Variants in NXPE4 observed in about 807,000 individuals in gnomAD.
The protein encoded by NXPE4 is neurexophilin and PC-esterase domain family member 4.
NXPE4 carries 42 observed loss-of-function variants against 33.3 expected under a neutral mutation model. The ratio of observed to expected loss-of-function variants is 1.26; its 90% CI spans 0.98 to 1.63. The LOEUF is 1.63. Ranked by LOEUF, NXPE4 falls within the 40% of genes most tolerant of loss-of-function variation. NXPE4 has a pLI of 0.00. For synonymous variants in NXPE4, 253 were observed against 234.9 expected (o/e 1.08, Z -0.71); for missense variants, 709 against 647.6 (o/e 1.09, Z -1.03).
chr11:114,583,893 T>C (rs1172646667), intron 2 of NXPE4: 2 of 394,148 alleles, frequency 5.1e-6, no homozygotes, highest in Non-Finnish European at 9.9e-6. Flanking sequence ...TTATGGGTTA[T>C]TGGGGCTGGC....
chr11:114,577,527 G>A (rs796565778), intron 5 of NXPE4, among the ~76,000 whole-genome samples: 19 of 151,914 alleles, frequency 1.3e-4, no homozygotes, highest in African/African-American at 4.1e-4. Flanking sequence ...AAACACCACC[G>A]GTTCCCCAAA....
the NXPE4 span, among the ~76,000 whole-genome samples, chr11:114,654,028 T>G: frequency 6.6e-6 from 1 of 152,072 alleles, no homozygotes; most frequent in Non-Finnish European, 1.5e-5. Flanking sequence ...AGCATGAACA[T>G]AGGAAAATCA....
chr11:114,600,397 C>G (rs1949623852), upstream of NXPE4, among the ~76,000 whole-genome samples: 1 of 152,122 alleles, frequency 6.6e-6, no homozygotes, highest in East Asian at 1.9e-4. Flanking sequence ...CTCATTCCTT[C>G]ATTTACCAAA....
the NXPE4 span, among the ~76,000 whole-genome samples, chr11:114,655,111 C>A: frequency 3.3e-5 from 5 of 151,346 alleles, no homozygotes. Context: ...TTGTTTGCCA[C>A]GTAAATATCT....
the NXPE4 span, among the ~76,000 whole-genome samples, chr11:114,632,960 AATTATAT>A: frequency 4.1e-4 from 42 of 102,224 alleles, no homozygotes; most frequent in South Asian, 8.2e-4. Flanking sequence ...TATTTTATAT[AATTATAT>A]ATTATATATT....
the NXPE4 span, among the ~76,000 whole-genome samples, chr11:114,607,513 C>A: frequency 6.6e-6 from 1 of 151,936 alleles, no homozygotes; most frequent in Non-Finnish European, 1.5e-5. Flanking sequence ...CTAAGTTTTG[C>A]CTGGTGGGTA....
At position 114,577,056 on chromosome 11, in the gene NXPE4, T is replaced by TAC. The variant is rs201632119; in HGVS notation, c.1099+3074_1099+3075dup. 6.9e-3 allele frequency among the ~76,000 whole-genome samples: 217 copies of TAC among 31,400 alleles called. 3 individuals carry two copies. Among genetic ancestry groups the TAC allele is most frequent in the African/African-American group, 0.041 (213 of 5,168 alleles). 20.6% of individuals were successfully genotyped at this position (31,400 alleles called of 152,430 possible). A position where few individuals can be genotyped will look rare whatever the true frequency, so the allele number is the denominator to read the frequency against. On this transcript the variant is annotated intron_variant, in intron 5 of 5. Coordinates refer to ENST00000375478, the MANE Select transcript of NXPE4 (RefSeq NM_001077639.2). ...ATATATATATAAAGTTATATATATATACATATATATATATAAAGTTATATA... is the reference window on the plus strand; with the variant it reads ...ATATATATATAAAGTTATATATATATACACATATATATATATAAAGTTATATA...
chr11:114,667,828 C>T, the NXPE4 span, among the ~76,000 whole-genome samples: 1 of 152,128 alleles, frequency 6.6e-6, no homozygotes, highest in Non-Finnish European at 1.5e-5. Flanking sequence ...ACAGAGACCT[C>T]ATTAGAGATC....
At chr11:114,638,745 C>G in the NXPE4 span, among the ~76,000 whole-genome samples, 2 of 151,982 alleles carry the variant, frequency 1.3e-5, no homozygotes, top group African/African-American at 2.4e-5. Flanking sequence ...ACCCTGTTTG[C>G]CTGGGTAACA....
the NXPE4 span, among the ~76,000 whole-genome samples, chr11:114,635,879 G>A: frequency 6.6e-6 from 1 of 152,008 alleles, no homozygotes; most frequent in Non-Finnish European, 1.5e-5. Context: ...GTATTTTATC[G>A]AGAATTTTTG....
At chr11:114,609,688 T>C in the NXPE4 span, among the ~76,000 whole-genome samples, 1 of 151,736 alleles carries the variant, frequency 6.6e-6, no homozygotes, top group African/African-American at 2.4e-5. Context: ...AAGTATTTCC[T>C]CATGGGTAAC....
At chr11:114,624,510 A>G in the NXPE4 span, among the ~76,000 whole-genome samples, 1 of 151,712 alleles carries the variant, frequency 6.6e-6, no homozygotes, top group Non-Finnish European at 1.5e-5. Context: ...TGCCCACTGG[A>G]TAATAATTAT....
In NXPE4 at chr11:114,594,823, C is replaced by A. The variant is rs183510401; in HGVS notation, c.-10-54G>T. Reference sequence around the variant, plus strand: ...AAAAACATACAACAAAACAGAAAAGCAAACAAACATGGGAAACATTTGAAA... The same window carrying A: ...AAAAACATACAACAAAACAGAAAAGAAAACAAACATGGGAAACATTTGAAA... On this transcript the variant is annotated intron_variant, in intron 1 of 5. Coordinates refer to ENST00000375478, the MANE Select transcript of NXPE4 (RefSeq NM_001077639.2). 8 of 921,666 alleles carry A rather than the reference C, an allele frequency of 8.7e-6. No individual in the cohort carries two copies. In the African/African-American group the frequency reaches 1.2e-4, roughly 14 times the overall value. 57.1% of individuals were successfully genotyped at this position (921,666 alleles called of 1,614,324 possible). A position where few individuals can be genotyped will look rare whatever the true frequency, so the allele number is the denominator to read the frequency against.
In NXPE4 at chr11:114,594,657, T is replaced by A. The variant is rs769268701; in HGVS notation, c.96+7A>T. The A allele has an allele frequency of 6.4e-7, 1 of 1,570,492 alleles. No homozygotes were observed. Among genetic ancestry groups the A allele is most frequent in the African/African-American group, 1.4e-5 (1 of 73,636 alleles). ...TCTGTAAACCACATAAATAAAGCAT[T>A]TCCTACCTTTGTGGAGTTCTGGAAA... On this transcript the variant is annotated splice_region_variant and intron_variant, in intron 2 of 5. Coordinates refer to ENST00000375478, the MANE Select transcript of NXPE4 (RefSeq NM_001077639.2).
the NXPE4 span, among the ~76,000 whole-genome samples, chr11:114,665,862 AC>A: frequency 6.6e-6 from 1 of 152,100 alleles, no homozygotes; most frequent in Non-Finnish European, 1.5e-5. Context: ...TTTATTGACC[AC>A]CTACAATGCA....
intron 2 of NXPE4, among the ~76,000 whole-genome samples, chr11:114,591,345 T>G (rs1334496501): frequency 6.6e-6 from 1 of 152,206 alleles, no homozygotes; most frequent in African/African-American, 2.4e-5. Flanking sequence ...TTACTACTAA[T>G]GAATCTACTA....
At chr11:114,583,446 C>A in intron 2 of NXPE4, 1 of 668,062 alleles carries the variant, frequency 1.5e-6, no homozygotes, top group Non-Finnish European at 2.8e-6. Flanking sequence ...GAGGAGATGA[C>A]CAAGTACCAC....
chr11:114,582,565 T>C lies in NXPE4; in HGVS notation c.553A>G (p.Ser185Gly). Residue 185 changes from serine to glycine, a missense_variant, in exon 3 of 6, where the codon AGT becomes GGT. Physicochemically the swap from Ser to Gly is moderately conservative, Grantham distance 56 (BLOSUM62 0). Coordinates refer to ENST00000375478, the MANE Select transcript of NXPE4 (RefSeq NM_001077639.2). ...CTCCAGAGAGCTGACACCCCTTCAC[T>C]GGGGTGGATGAGCAGCAGAGACAGA... The part of the protein sequence containing the change: ...VSLSLLLIHP[S>G]EGVSALWSAR... 1.2e-6 allele frequency: 2 copies of C among 1,614,122 alleles called. No homozygotes were observed. Among genetic ancestry groups the C allele is most frequent in the Non-Finnish European group, 1.7e-6 (2 of 1,179,994 alleles).
chr11:114,585,362 T>C (rs623426), intron 2 of NXPE4, among the ~76,000 whole-genome samples: 113,352 of 151,888 alleles, frequency 0.75, 42,850 homozygotes, highest in African/African-American at 0.87. Context: ...AAACAAGACC[T>C]AACTCTATCC....
Sources: gnomAD v4.1 joint callset for allele counts (sites outside exome capture counted in the v4.1 genomes callset) on GRCh38, gnomAD v4.1.1 for gene constraint, MANE v1.5 for transcripts, NCBI Gene and HGNC (gene_info 2026-07-23, HGNC 2026-07-21) for gene names.